LINGO1: variants seen among roughly 807,000 people sequenced by gnomAD.
The protein encoded by LINGO1 is leucine rich repeat and Ig domain containing 1, also known as leucine-rich repeat and immunoglobulin-like domain-containing nogo receptor-interacting protein 1.
LINGO1 carries 11 observed loss-of-function variants against 37.3 expected under a neutral mutation model. That is an observed-to-expected ratio of 0.29 (90% CI 0.19 to 0.49). The LOEUF (loss-of-function observed/expected upper bound fraction) is 0.49, where lower values mean the gene tolerates loss of function less well. LINGO1 is among the 20% of genes least tolerant of loss of function. The pLI, the probability that LINGO1 is intolerant of heterozygous loss-of-function variation, is 0.99. For synonymous variants in LINGO1, 387 were observed against 403.0 expected (o/e 0.96, Z 0.48); for missense variants, 585 against 878.2 (o/e 0.67, Z 4.22).
chr15:77,807,423 G>C (rs1225447652), intron 1 of LINGO1, among the ~76,000 whole-genome samples: 2 of 152,208 alleles, frequency 1.3e-5, no homozygotes, highest in African/African-American at 4.8e-5. Flanking sequence ...GTCAGGCTCT[G>C]TCCCGGGTGC....
chr15:77,747,596 C>T (rs1395408337), intron 1 of LINGO1, among the ~76,000 whole-genome samples: 1 of 152,134 alleles, frequency 6.6e-6, no homozygotes, highest in East Asian at 1.9e-4. Flanking sequence ...AGAACAGATC[C>T]CTCAATCAAA....
chr15:77,789,222 T>C (rs1419199968), upstream of LINGO1, among the ~76,000 whole-genome samples: 5 of 152,200 alleles, frequency 3.3e-5, no homozygotes, highest in Non-Finnish European at 7.3e-5. Context: ...TATTTGGAAA[T>C]TGGGCCATTT....
intron 1 of LINGO1, among the ~76,000 whole-genome samples, chr15:77,808,346 C>G (rs1161433505): frequency 2.0e-5 from 3 of 152,102 alleles, no homozygotes; most frequent in African/African-American, 7.2e-5. Flanking sequence ...GATACAGGAG[C>G]ATAAGGATGC....
At chr15:77,795,548 A>G (rs141928544) in intron 2 of LINGO1, among the ~76,000 whole-genome samples, 24 of 152,206 alleles carry the variant, frequency 1.6e-4, no homozygotes, top group African/African-American at 5.8e-4. Flanking sequence ...CAGCCTCTTG[A>G]CAGTTTCTTG....
chr15:77,749,342 G>A (rs2076348422), intron 1 of LINGO1, among the ~76,000 whole-genome samples: 1 of 151,604 alleles, frequency 6.6e-6, no homozygotes, highest in Non-Finnish European at 1.5e-5. Context: ...CAAGCCCAAT[G>A]CCATTCCCCA....
At chr15:77,709,316 C>T (rs1406978230) in intron 2 of LINGO1, among the ~76,000 whole-genome samples, 1 of 152,206 alleles carries the variant, frequency 6.6e-6, no homozygotes, top group Non-Finnish European at 1.5e-5. Flanking sequence ...GCCCCCAGTA[C>T]TCTGGACAGC....
rs564389773 is a variant in LINGO1 at position 77,780,348 on chromosome 15, C to T, written c.-257+6521G>A. On this transcript the variant is annotated intron_variant, in intron 1 of 3. Coordinates refer to the LINGO1 transcript ENST00000561686. ...AGGCTCCCCACTCAGATGGCCAACACGCAGCCTAGGCATGGGGAGAGGCTG... is the reference window on the plus strand; with the variant it reads ...AGGCTCCCCACTCAGATGGCCAACATGCAGCCTAGGCATGGGGAGAGGCTG... Among the ~76,000 whole-genome samples, 19 of 152,168 alleles carry T rather than the reference C, an allele frequency of 1.2e-4. No individual in the cohort carries two copies. In the South Asian group the frequency reaches 3.3e-3, roughly 27 times the overall value.
At position 77,620,787 on chromosome 15, in the gene LINGO1, C is replaced by T. The variant is rs1322855698; in HGVS notation, c.7-4887G>A. 1.1e-4 allele frequency among the ~76,000 whole-genome samples: 17 copies of T among 152,272 alleles called. No homozygotes were observed. In the East Asian group the frequency reaches 3.1e-3, roughly 28 times the overall value. ...GGATGGTGGGCTCCCTTCCTTGGGG[C>T]ATCACATTCAGGGCGTGCCCCCAGG... On this transcript the variant is annotated intron_variant, in intron 1 of 1. Transcript: ENST00000355300.
At position 77,645,096 on chromosome 15, in the gene LINGO1, C is replaced by T. The variant is rs1046221811; in HGVS notation, c.-12-29196G>A. On this transcript the variant is annotated intron_variant, in intron 3 of 3. Coordinates refer to the LINGO1 transcript ENST00000559893. The stretch of plus-strand genomic sequence containing the variant: ...CAGGAGTGGGGAGAGAGGCCTGGTG[C>T]GCTTTCAGGAAGTTCCCAGTGACTC... 3.9e-5 allele frequency among the ~76,000 whole-genome samples: 6 copies of T among 152,240 alleles called. No individual in the cohort carries two copies. In the East Asian group the frequency reaches 5.8e-4, roughly 15 times the overall value.
intron 1 of LINGO1, among the ~76,000 whole-genome samples, chr15:77,623,568 C>G (rs752564663): frequency 2.0e-5 from 3 of 152,186 alleles, no homozygotes; most frequent in Non-Finnish European, 4.4e-5. Flanking sequence ...AGTTGCAGTC[C>G]TGCGCCCAGG....
intron 3 of LINGO1, chr15:77,646,576 G>A: frequency 2.7e-6 from 1 of 369,002 alleles, no homozygotes; most frequent in South Asian, 2.1e-5. Flanking sequence ...CTTCCAAGAG[G>A]GACAGACCAG....
At chr15:77,658,150 C>T (rs965891805) in intron 3 of LINGO1, among the ~76,000 whole-genome samples, 13 of 152,274 alleles carry the variant, frequency 8.5e-5, no homozygotes, top group South Asian at 2.1e-4. Flanking sequence ...GACACTTCCC[C>T]GTCAGCAGGG....
chr15:77,767,141 C>A (rs1198207188), intron 1 of LINGO1, among the ~76,000 whole-genome samples: 1 of 152,162 alleles, frequency 6.6e-6, no homozygotes, highest in Non-Finnish European at 1.5e-5. Flanking sequence ...CTCATCAAGA[C>A]AGAGAGCACA....
At position 77,632,331 on chromosome 15, in the gene LINGO1, G is replaced by A; in HGVS notation, c.-16C>T. 2.1e-6 allele frequency: 3 copies of A among 1,437,578 alleles called. No individual in the cohort carries two copies. The highest frequency in any genetic ancestry group is 2.7e-6 in the Non-Finnish European group (3 of 1,095,630). The allele number at this position is 1,437,578 out of a possible 1,614,324, so 89.1% of individuals were successfully genotyped here. Reference sequence around the variant, plus strand: ...TCACCTGCATCTCGGGCGCGCCTTCGGTCCGCTCGGCTCGGTCACCAATCG... The same window carrying A: ...TCACCTGCATCTCGGGCGCGCCTTCAGTCCGCTCGGCTCGGTCACCAATCG... On this transcript the variant is annotated 5_prime_UTR_variant, in exon 1 of 2. Coordinates refer to ENST00000355300, the MANE Select transcript of LINGO1 (RefSeq NM_032808.7). The surrounding 1 kb of genome is among the most constrained non-coding windows in gnomAD (Gnocchi z 6.0).
chr15:77,664,170 T>TGTGTGTGTGTGTGTGTGTGTGCGCGC, intron 3 of LINGO1, among the ~76,000 whole-genome samples: 23 of 131,008 alleles, frequency 1.8e-4, no homozygotes, highest in African/African-American at 8.4e-4. Context: ...TGTGTGTGTG[T>TGTGTGTGTGTGTGTGTGTGTGCGCGC]GCGCGCGCGC....
chr15:77,646,684 C>T (rs1038232170), intron 3 of LINGO1, among the ~76,000 whole-genome samples: 2 of 152,234 alleles, frequency 1.3e-5, no homozygotes, highest in African/African-American at 4.8e-5. Context: ...TCCATCCCCA[C>T]AACCTGGGGC....
At chr15:77,634,646 G>T (rs2074358328), upstream of LINGO1, among the ~76,000 whole-genome samples, 1 of 152,160 alleles carries the variant, frequency 6.6e-6, no homozygotes, top group Admixed American at 6.5e-5. Context: ...ACTTACAGGT[G>T]GGAGGTGAAG....
chr15:77,699,553 T>C (rs531725992), upstream of LINGO1, among the ~76,000 whole-genome samples: 166 of 13,204 alleles, frequency 0.013, 2 homozygotes, highest in African/African-American at 0.043. Flanking sequence ...ATACTAACCA[T>C]CCCTGCACAC....
intron 1 of LINGO1, among the ~76,000 whole-genome samples, chr15:77,742,962 C>T (rs750559855): frequency 1.3e-5 from 2 of 152,216 alleles, no homozygotes; most frequent in Non-Finnish European, 1.5e-5. Flanking sequence ...GCTTGGGGTG[C>T]GGTGAGAGGA....
Sources: gnomAD v4.1 joint callset for allele counts (sites outside exome capture counted in the v4.1 genomes callset) on GRCh38, gnomAD v4.1.1 for gene constraint, Gnocchi (gnomAD v3.1) non-coding constraint, MANE v1.5 for transcripts, NCBI Gene and HGNC (gene_info 2026-07-23, HGNC 2026-07-21) for gene names.